CIZ1: variants seen among roughly 807,000 people sequenced by gnomAD.
CIZ1 encodes the protein cip1-interacting zinc finger protein.
CIZ1 carries 58 observed loss-of-function variants against 118.6 expected under a neutral mutation model. The ratio of observed to expected loss-of-function variants is 0.49; its 90% CI spans 0.40 to 0.61. The LOEUF (loss-of-function observed/expected upper bound fraction) is 0.61. Ranked by LOEUF, CIZ1 falls within the 20% of genes least tolerant of loss-of-function variation. CIZ1 has a pLI of 0.00. For synonymous variants in CIZ1, 448 were observed against 443.4 expected (o/e 1.01, Z -0.13); for missense variants, 921 against 1,115.9 (o/e 0.83, Z 2.49).
chr9:128,185,362 G>C (rs1207190978), intron 5 of CIZ1, among the ~76,000 whole-genome samples, 185 bp downstream of exon 5: 1 of 152,174 alleles, frequency 6.6e-6, no homozygotes, highest in Non-Finnish European at 1.5e-5. Context: ...GTTGATAAAA[G>C]AATATTTGAA....
At chr9:128,181,779 G>C (rs867084766) in intron 5 of CIZ1, among the ~76,000 whole-genome samples, 1 of 112,242 alleles carries the variant, frequency 8.9e-6, no homozygotes. Context: ...GGGGGGGGGG[G>C]GTCTCCCTTT....
chr9:128,187,621 C>A (rs745879767), intron 4 of CIZ1, among the ~76,000 whole-genome samples: 1 of 152,012 alleles, frequency 6.6e-6, no homozygotes, highest in Non-Finnish European at 1.5e-5. Flanking sequence ...CACATATGTG[C>A]AGAGAGCCAA....
In CIZ1 at chr9:128,166,870, G is replaced by A. The variant is rs1249101720; in HGVS notation, c.2376C>T (p.Phe792=). The A allele has an allele frequency of 1.9e-6, 3 of 1,614,222 alleles. No homozygotes were observed. The South Asian group carries it at 3.3e-5, about 18-fold the overall frequency. The part of the protein sequence containing the change: ...YSPNTAYGVD[F]LVPVMGYICR... Reference sequence around the variant, plus strand: ...AGATATAGCCCATCACGGGCACCAGGAAGTCCACACCTGTAGGATGGGATG... The same window carrying A: ...AGATATAGCCCATCACGGGCACCAGAAAGTCCACACCTGTAGGATGGGATG... The change falls in exon 16 of 17, where the codon TTC becomes TTT. Residue 792 remains phenylalanine (F), a synonymous_variant. Coordinates refer to ENST00000372938, the MANE Select transcript of CIZ1 (RefSeq NM_001131016.2). The surrounding 1 kb of genome is among the most constrained non-coding windows in gnomAD (Gnocchi z 4.4).
intron 7 of CIZ1, among the ~76,000 whole-genome samples, chr9:128,179,845 T>C (rs1475234739): frequency 6.6e-6 from 1 of 152,008 alleles, no homozygotes; most frequent in Non-Finnish European, 1.5e-5. Flanking sequence ...GCTAATTTTG[T>C]ACTTTTAGTA....
intron 4 of CIZ1, among the ~76,000 whole-genome samples, chr9:128,186,347 C>T (rs564719088): frequency 6.6e-6 from 1 of 152,214 alleles, no homozygotes; most frequent in East Asian, 1.9e-4. Context: ...ACCTACCGCC[C>T]CAGCCAGGAT....
rs556170951 is a variant in CIZ1 at position 128,183,396 on chromosome 9, AGATCT to A, written c.588+2146_588+2150del. On this transcript the variant is annotated intron_variant, in intron 5 of 16. Transcript: ENST00000372938. Reference sequence around the variant, plus strand: ...GGCAGGGCGGGTTAGACACTAGACCAGATCTGTGATGACAGGCCCGTTGGAAGGCT... The same window carrying A: ...GGCAGGGCGGGTTAGACACTAGACCAGTGATGACAGGCCCGTTGGAAGGCT... Among the ~76,000 whole-genome samples, 3 of 152,352 alleles carry A rather than the reference AGATCT, an allele frequency of 2.0e-5. No homozygotes were observed. In the East Asian group the frequency reaches 5.8e-4, roughly 29 times the overall value.
chr9:128,191,189 T>C lies in CIZ1; in HGVS notation c.-6+243A>G. 1 of 414,264 alleles carries C rather than the reference T, an allele frequency of 2.4e-6. No homozygotes were observed. The highest frequency in any genetic ancestry group is 4.3e-6 in the Non-Finnish European group (1 of 231,448). 25.7% of individuals were successfully genotyped at this position (414,264 alleles called of 1,614,324 possible). On this transcript the variant is annotated intron_variant, in intron 1 of 16. Coordinates refer to ENST00000372938, the MANE Select transcript of CIZ1 (RefSeq NM_001131016.2). This position sits in a 1 kb window ranked among gnomAD's most constrained non-coding sequence, Gnocchi z 5.5. ...CAGCCTCAGCCTCTCTCTGCGCCCA[T>C]CACTTCCTCACTCACAGCCCCTTTT...
In CIZ1 at chr9:128,190,688, C is replaced by A; in HGVS notation, c.170G>T (p.Arg57Leu). 6.4e-7 allele frequency: 1 copy of A among 1,551,940 alleles called. No homozygotes were observed. Among genetic ancestry groups the A allele is most frequent in the African/African-American group, 1.4e-5 (1 of 73,494 alleles). ...CATCGCGCCCGAGAGGGGAACTCAC[C>A]GGCTGACAGCCATGGGCAACGGGGC... Reference protein sequence around the residue: ...PQAPLPMAVSRGLPPQQPQQP... With the variant: ...PQAPLPMAVSLGLPPQQPQQP... Residue 57 changes from arginine (R) to leucine (L), a missense_variant and splice_region_variant, in exon 2 of 17, where the codon CGG (arginine) becomes CTG (leucine). Coordinates refer to ENST00000372938, the MANE Select transcript of CIZ1 (RefSeq NM_001131016.2).
Position 128,191,247 on chromosome 9 carries a change from T to G in CIZ1, c.-6+185A>C. On this transcript the variant is annotated intron_variant, in intron 1 of 16. Coordinates refer to ENST00000372938, the MANE Select transcript of CIZ1 (RefSeq NM_001131016.2). The surrounding 1 kb of genome is among the most constrained non-coding windows in gnomAD (Gnocchi z 5.5). ...GCAACCCTCTCTGGGCCCCCGGGTG[T>G]CAATAACATCGGCACCCGTCCAACC... The G allele has an allele frequency of 4.1e-6, 1 of 244,856 alleles. No individual in the cohort carries two copies. The highest frequency in any genetic ancestry group is 7.8e-6 in the Non-Finnish European group (1 of 127,896). 15.2% of individuals were successfully genotyped at this position (244,856 alleles called of 1,614,324 possible).
At chr9:128,194,393 CAT>C (rs941263834), upstream of CIZ1, among the ~76,000 whole-genome samples, 46 of 147,260 alleles carry the variant, frequency 3.1e-4, 2 homozygotes, top group Admixed American at 1.4e-3. Context: ...GAATCTTGCA[CAT>C]GTTTTGCCCT....
chr9:128,184,548 A>AGTAGT (rs1485856802), intron 5 of CIZ1, among the ~76,000 whole-genome samples: 2 of 140,492 alleles, frequency 1.4e-5, no homozygotes, highest in African/African-American at 5.3e-5. Context: ...GCTGGAGTGC[A>AGTAGT]GTAGTGTGAT....
intron 12 of CIZ1, 88 bp downstream of exon 12, chr9:128,169,932 G>A (rs779096353): frequency 1.2e-5 from 15 of 1,290,212 alleles, no homozygotes; most frequent in Admixed American, 4.0e-5. Flanking sequence ...AAAGAGGAAC[G>A]TTTACTTTCC....
intron 6 of CIZ1, 93 bp downstream of exon 6, chr9:128,180,628 G>T: frequency 7.4e-7 from 1 of 1,349,956 alleles, no homozygotes; most frequent in Non-Finnish European, 1.0e-6. Flanking sequence ...AAGAACCCCT[G>T]CCTCCCACAC....
At chr9:128,190,567 A>G in intron 2 of CIZ1, 121 bp downstream of exon 2, 1 of 1,391,172 alleles carries the variant, frequency 7.2e-7, no homozygotes, top group Admixed American at 2.0e-5. Flanking sequence ...TTGGGGCTGG[A>G]ATTGGTGATC....
upstream of CIZ1, chr9:128,191,856 TC>T: frequency 6.8e-7 from 1 of 1,474,164 alleles, no homozygotes; most frequent in Non-Finnish European, 9.0e-7. This position sits in a 1 kb window ranked among gnomAD's most constrained non-coding sequence, Gnocchi z 5.5. Context: ...CCAACCCACC[TC>T]CCTGCGGCCG....
chr9:128,174,807 C>T (rs1043707190), intron 11 of CIZ1, among the ~76,000 whole-genome samples: 1 of 152,132 alleles, frequency 6.6e-6, no homozygotes, highest in South Asian at 2.1e-4. Context: ...CACAGGCATG[C>T]ACCACCATGC....
chr9:128,169,988 C>A (rs191381755), intron 12 of CIZ1, 32 bp downstream of exon 12: 4 of 1,576,298 alleles, frequency 2.5e-6, no homozygotes, highest in Non-Finnish European at 3.5e-6. Context: ...GACGGCAGTG[C>A]GGGTGCCTCT....
At chr9:128,192,956 G>A (rs12238898), upstream of CIZ1, among the ~76,000 whole-genome samples, 413 of 152,342 alleles carry the variant, frequency 2.7e-3, 5 homozygotes, top group East Asian at 0.034. Context: ...GGCGCGCGGG[G>A]GCACTGGCGG....
chr9:128,195,841 C>G (rs1165757048), upstream of CIZ1, among the ~76,000 whole-genome samples: 4 of 151,994 alleles, frequency 2.6e-5, no homozygotes, highest in African/African-American at 9.7e-5. Flanking sequence ...CAAACCTTCC[C>G]CAGCCTCTGA....
Sources: allele counts gnomAD v4.1 joint callset (sites outside exome capture counted in the v4.1 genomes callset), GRCh38; gene constraint gnomAD v4.1.1; non-coding constraint Gnocchi (gnomAD v3.1); transcripts MANE v1.5; gene names NCBI Gene and HGNC (gene_info 2026-07-23, HGNC 2026-07-21).